Variants in QTMAN observed in about 807,000 individuals in gnomAD.
QTMAN encodes the protein queuosine-tRNA mannosyltransferase.
chr2:144,071,119 AT>A, the QTMAN span, among the ~76,000 whole-genome samples: 1 of 152,162 alleles, frequency 6.6e-6, no homozygotes, highest in South Asian at 2.1e-4. Flanking sequence ...AAAATCTACA[AT>A]AAAACAAATA....
chr2:144,278,218 T>G, the QTMAN span, among the ~76,000 whole-genome samples: 1 of 152,160 alleles, frequency 6.6e-6, no homozygotes, highest in Non-Finnish European at 1.5e-5. Flanking sequence ...CAGCCTACAG[T>G]CTTTTGCTTT....
chr2:144,133,284 CAT>C, the QTMAN span, among the ~76,000 whole-genome samples: 1 of 41,918 alleles, frequency 2.4e-5, no homozygotes. Flanking sequence ...TTTATATATA[CAT>C]ATATAAATAT....
chr2:144,057,612 G>A, the QTMAN span, among the ~76,000 whole-genome samples: 1 of 152,028 alleles, frequency 6.6e-6, no homozygotes, highest in African/African-American at 2.4e-5. Flanking sequence ...TGACCATAGT[G>A]GGTTTCTTCT....
the QTMAN span, among the ~76,000 whole-genome samples, chr2:143,998,493 G>A: frequency 6.6e-6 from 1 of 151,016 alleles, no homozygotes; most frequent in Non-Finnish European, 1.5e-5. Flanking sequence ...GGAATTTTTT[G>A]GTATGACTGA....
At chr2:143,938,840 CTAACAT>C in the QTMAN span, 1 of 152,188 alleles carries the variant, frequency 6.6e-6, no homozygotes, top group Non-Finnish European at 1.5e-5. Context: ...TAAATGATGG[CTAACAT>C]TATTGCCAGG....
the QTMAN span, among the ~76,000 whole-genome samples, chr2:143,957,751 C>T: frequency 2.6e-5 from 4 of 152,158 alleles, no homozygotes; most frequent in Non-Finnish European, 4.4e-5. Context: ...TTCCTAATGA[C>T]GGACTGCATT....
the QTMAN span, among the ~76,000 whole-genome samples, chr2:143,997,569 C>G: frequency 6.6e-6 from 1 of 152,060 alleles, no homozygotes; most frequent in Non-Finnish European, 1.5e-5. Context: ...TTTATTTGCT[C>G]ATTCCCTTGT....
the QTMAN span, among the ~76,000 whole-genome samples, chr2:144,172,957 T>C: frequency 1.3e-5 from 2 of 152,158 alleles, no homozygotes; most frequent in Non-Finnish European, 2.9e-5. Flanking sequence ...CTCTATCTTC[T>C]TGTGTTTTTT....
chr2:144,082,479 C>A, the QTMAN span, among the ~76,000 whole-genome samples: 55 of 152,122 alleles, frequency 3.6e-4, no homozygotes, highest in African/African-American at 1.3e-3. Flanking sequence ...GGGGTGTATA[C>A]CATTTTGTTA....
At chr2:144,151,676 A>G in the QTMAN span, among the ~76,000 whole-genome samples, 1 of 152,200 alleles carries the variant, frequency 6.6e-6, no homozygotes, top group East Asian at 1.9e-4. Context: ...CAGAGTTTTA[A>G]TTACAACAGA....
chr2:144,276,181 G>A, the QTMAN span, among the ~76,000 whole-genome samples: 3 of 151,954 alleles, frequency 2.0e-5, no homozygotes, highest in African/African-American at 7.3e-5. Flanking sequence ...ATTATTTGGA[G>A]TGCGTGGAAA....
the QTMAN span, among the ~76,000 whole-genome samples, chr2:144,048,715 G>A: frequency 1.3e-4 from 20 of 151,692 alleles, no homozygotes; most frequent in Non-Finnish European, 4.4e-5. Flanking sequence ...GGAGTGCCAC[G>A]GCCCTGAACT....
chr2:144,145,660 G>T, the QTMAN span: 1 of 1,611,524 alleles, frequency 6.2e-7, no homozygotes, highest in Non-Finnish European at 8.5e-7. Context: ...TGAAAATACA[G>T]AATCTTTTTC....
At chr2:143,992,753 T>C in the QTMAN span, among the ~76,000 whole-genome samples, 2 of 152,076 alleles carry the variant, frequency 1.3e-5, no homozygotes, top group African/African-American at 2.4e-5. Context: ...AAAGGCCTAA[T>C]ATGTAAGAGG....
At chr2:144,080,294 C>T in the QTMAN span, among the ~76,000 whole-genome samples, 1 of 152,052 alleles carries the variant, frequency 6.6e-6, no homozygotes, top group African/African-American at 2.4e-5. Flanking sequence ...GAAAGAATGA[C>T]ATCCTTAACA....
chr2:143,953,716 T>A, the QTMAN span, among the ~76,000 whole-genome samples: 1 of 152,022 alleles, frequency 6.6e-6, no homozygotes, highest in South Asian at 2.1e-4. Context: ...AATTATGCAG[T>A]GAAATTCAAA....
chr2:144,141,324 A>C, the QTMAN span, among the ~76,000 whole-genome samples: 2 of 151,754 alleles, frequency 1.3e-5, no homozygotes, highest in Non-Finnish European at 2.9e-5. Flanking sequence ...AAGGGTAATA[A>C]AAAAAATGTC....
chr2:144,152,177 G>A, the QTMAN span, among the ~76,000 whole-genome samples: 2 of 152,130 alleles, frequency 1.3e-5, no homozygotes, highest in African/African-American at 4.8e-5. Context: ...GGCCAGGAGA[G>A]CACTGTATAC....
the QTMAN span, among the ~76,000 whole-genome samples, chr2:144,207,788 ATGAG>A: frequency 5.9e-5 from 9 of 152,050 alleles, no homozygotes; most frequent in Non-Finnish European, 1.2e-4. Flanking sequence ...TAAAAATGTA[ATGAG>A]TATTTACCTC....
Sources: allele counts gnomAD v4.1 joint callset (sites outside exome capture counted in the v4.1 genomes callset), GRCh38; gene constraint gnomAD v4.1.1; transcripts MANE v1.5; gene names NCBI Gene and HGNC (gene_info 2026-07-23, HGNC 2026-07-21).